ADI1: variants seen among roughly 807,000 people sequenced by gnomAD.
The protein encoded by ADI1 is acireductone dioxygenase 1, also known as acireductone dioxygenase.
ADI1 carries 21 observed loss-of-function variants against 18.7 expected under a neutral mutation model. The ratio of observed to expected loss-of-function variants is 1.13; its 90% CI spans 0.80 to 1.62. The LOEUF (loss-of-function observed/expected upper bound fraction) is 1.62. ADI1 is among the 40% of genes most tolerant of loss of function. The pLI, the probability that ADI1 is intolerant of heterozygous loss-of-function variation, is 0.00. For missense variants in ADI1, 245 were observed against 254.9 expected (o/e 0.96, Z 0.26); for synonymous variants, 90 against 100.1 (o/e 0.90, Z 0.60).
At chr2:3,509,624 T>C (rs1327690264) in intron 2 of ADI1, among the ~76,000 whole-genome samples, 2 of 152,180 alleles carry the variant, frequency 1.3e-5, no homozygotes, top group African/African-American at 4.8e-5. Flanking sequence ...AATTAGAATG[T>C]ATTTAAAATG....
At chr2:3,507,055 A>G (rs1572235618) in intron 2 of ADI1, among the ~76,000 whole-genome samples, 1 of 152,292 alleles carries the variant, frequency 6.6e-6, no homozygotes, top group South Asian at 2.1e-4. Flanking sequence ...GCTGCTATAA[A>G]CAACTGCCCA....
At chr2:3,514,592 T>C (rs1667359802) in intron 1 of ADI1, among the ~76,000 whole-genome samples, 1 of 152,232 alleles carries the variant, frequency 6.6e-6, no homozygotes, top group African/African-American at 2.4e-5. Context: ...ACCTTGCTCA[T>C]GACAGCTTTC....
At chr2:3,515,964 TA>T (rs1189117904) in intron 1 of ADI1, 1 of 985,324 alleles carries the variant, frequency 1.0e-6, no homozygotes, top group Non-Finnish European at 1.2e-6. Flanking sequence ...CTCTAAAACT[TA>T]GCCTATCCAC....
chr2:3,514,018 A>G, intron 1 of ADI1, 42 bp from the exon 2 acceptor site: 1 of 1,559,878 alleles, frequency 6.4e-7, no homozygotes, highest in East Asian at 2.3e-5. Flanking sequence ...TCAGATTAAC[A>G]AGGAGATGTA....
At chr2:3,519,222 C>T (rs1667501970) in intron 1 of ADI1, 146 bp downstream of exon 1, 1 of 1,217,898 alleles carries the variant, frequency 8.2e-7, no homozygotes, top group Middle Eastern at 3.1e-4. Flanking sequence ...CCGGGAGCCG[C>T]CACGAACCCC....
chr2:3,514,996 TG>T (rs1179560549), intron 1 of ADI1: 14 of 1,062,064 alleles, frequency 1.3e-5, no homozygotes, highest in Non-Finnish European at 1.7e-5. Context: ...TGAGGATGTA[TG>T]TCACCTCAGG....
At position 3,513,873 on chromosome 2, in the gene ADI1, G is replaced by C; in HGVS notation, c.224C>G (p.Pro75Arg). 2 of 1,603,244 alleles carry C rather than the reference G, an allele frequency of 1.2e-6. No individual in the cohort carries two copies. Among genetic ancestry groups the C allele is most frequent in the Non-Finnish European group, 1.7e-6 (2 of 1,177,434 alleles). Reference protein sequence around the residue: ...DIITICKDKLPNYEEKIKMFY... With the variant: ...DIITICKDKLRNYEEKIKMFY... ...CTCCCTTACCTTTTCTTCATAATTT[G>C]GTAGTTTATCTTTGCATATGGTTAT... Residue 75 changes from proline to arginine, a missense_variant, in exon 2 of 4, where the codon CCA becomes CGA. Transcript: ENST00000327435.
chr2:3,501,055 C>A, intron 2 of ADI1, 62 bp from the exon 3 acceptor site: 2 of 1,450,282 alleles, frequency 1.4e-6, no homozygotes, highest in Non-Finnish European at 1.8e-6. Flanking sequence ...CTCACACCCA[C>A]CCACTCAGCA....
At chr2:3,511,124 AG>A (rs1415417280) in intron 2 of ADI1, among the ~76,000 whole-genome samples, 21 of 152,306 alleles carry the variant, frequency 1.4e-4, no homozygotes, top group African/African-American at 4.3e-4. Flanking sequence ...TCTTCACCAC[AG>A]TGAGTGACTT....
chr2:3,499,170 A>C (rs142992989), intron 3 of ADI1, 88 bp from the exon 4 acceptor site: 54 of 1,508,396 alleles, frequency 3.6e-5, no homozygotes, highest in Non-Finnish European at 4.8e-5. Context: ...TGTTAACATT[A>C]ATTGCTATAA....
At chr2:3,518,941 G>T (rs568570512) in intron 1 of ADI1, among the ~76,000 whole-genome samples, 80 of 152,284 alleles carry the variant, frequency 5.3e-4, no homozygotes, top group African/African-American at 1.8e-3. Flanking sequence ...CTCTGCTGCT[G>T]AGCATGCGCA....
chr2:3,502,541 C>G (rs541244518), intron 2 of ADI1, among the ~76,000 whole-genome samples: 2 of 151,602 alleles, frequency 1.3e-5, no homozygotes, highest in South Asian at 4.2e-4. Context: ...CAACCTCCGC[C>G]TCCCAGGTTC....
At chr2:3,512,211 A>G (rs995443292) in intron 2 of ADI1, among the ~76,000 whole-genome samples, 7 of 152,274 alleles carry the variant, frequency 4.6e-5, no homozygotes, top group African/African-American at 1.2e-4. Flanking sequence ...AGAAATTCAC[A>G]TAACTACAAA....
chr2:3,516,090 T>C, intron 1 of ADI1: 1 of 970,686 alleles, frequency 1.0e-6, no homozygotes, highest in Non-Finnish European at 1.2e-6. Context: ...ATACGAATGT[T>C]GAAACTTAAC....
chr2:3,501,168 G>C (rs757352268), intron 2 of ADI1, among the ~76,000 whole-genome samples, 175 bp from the exon 3 acceptor site: 2 of 152,200 alleles, frequency 1.3e-5, no homozygotes, highest in Non-Finnish European at 2.9e-5. Context: ...ACAAGGGCCA[G>C]AGCTAGAATA....
intron 2 of ADI1, among the ~76,000 whole-genome samples, chr2:3,513,336 G>A (rs1290924870): frequency 3.9e-5 from 6 of 152,136 alleles, no homozygotes; most frequent in Admixed American, 6.5e-5. Flanking sequence ...GGGAGGGGCC[G>A]GGGCAGAATA....
rs1553331866 is a variant in ADI1 at position 3,497,735 on chromosome 2, CTA to C, written c.*1226_*1227del. 10 of 152,178 alleles carry C rather than the reference CTA, an allele frequency of 6.6e-5. No individual in the cohort carries two copies. The highest frequency in any genetic ancestry group is 1.3e-4 in the Non-Finnish European group (9 of 68,030). 9.4% of individuals were successfully genotyped at this position (152,178 alleles called of 1,614,324 possible). ...CAGGCGCCACATCAAGGAGGCGAAA[CTA>C]GAGTCCGCAGGAGGCCAGCCCCGCA... On this transcript the variant is annotated 3_prime_UTR_variant, in exon 4 of 4. Coordinates refer to ENST00000327435, the MANE Select transcript of ADI1 (RefSeq NM_018269.4).
In ADI1 at chr2:3,519,463, C is replaced by T; in HGVS notation, c.25G>A (p.Asp9Asn). MVQAWYMD[D>N]APGDPRQPHR... The stretch of plus-strand genomic sequence containing the variant: ...GGTTGCCGCGGGTCGCCCGGGGCGT[C>T]GTCCATATACCAGGCCTGCACCATG... Residue 9 changes from aspartate (D) to asparagine (N), a missense_variant, in exon 1 of 4, where the codon GAC (aspartate) becomes AAC (asparagine). Coordinates refer to ENST00000327435, the MANE Select transcript of ADI1 (RefSeq NM_018269.4). The T allele has an allele frequency of 1.5e-6, 2 of 1,353,254 alleles. No homozygotes were observed. The highest frequency in any genetic ancestry group is 3.6e-5 in the South Asian group (2 of 54,904). The allele number at this position is 1,353,254 out of a possible 1,614,324, so 83.8% of individuals were successfully genotyped here.
intron 1 of ADI1, chr2:3,514,692 T>C (rs1667361242): frequency 7.4e-7 from 1 of 1,350,246 alleles, no homozygotes; most frequent in Admixed American, 2.4e-5. Context: ...GACGAAGCAC[T>C]TCCCTGATGA....
Sources: gnomAD v4.1 joint callset for allele counts (sites outside exome capture counted in the v4.1 genomes callset) on GRCh38, gnomAD v4.1.1 for gene constraint, MANE v1.5 for transcripts, NCBI Gene and HGNC (gene_info 2026-07-23, HGNC 2026-07-21) for gene names.